The following ROBO2 variants were observed in gnomAD, a reference collection of about 807,000 sequenced individuals.
ROBO2 encodes the protein roundabout homolog 2.
In ROBO2, 53 loss-of-function variants were observed where a neutral mutation model predicts 160.8. That is an observed-to-expected ratio of 0.33 (90% CI 0.26 to 0.41). ROBO2 has a LOEUF of 0.41. Ranked by LOEUF, ROBO2 falls within the 10% of genes least tolerant of loss-of-function variation. The pLI is 1.00. For synonymous variants in ROBO2, 664 were observed against 611.7 expected (o/e 1.09, Z -1.26); for missense variants, 1,577 against 1,722.4 (o/e 0.92, Z 1.49).
chr3:76,342,349 A>G (rs983874252), intron 2 of ROBO2, among the ~76,000 whole-genome samples: 4 of 152,146 alleles, frequency 2.6e-5, no homozygotes, highest in Admixed American at 6.6e-5. Flanking sequence ...TACTCCCAGC[A>G]CAGCAAACAT....
intron 6 of ROBO2, among the ~76,000 whole-genome samples, chr3:77,537,273 G>GT (rs112386200): frequency 0.053 from 8,116 of 151,882 alleles, 396 homozygotes; most frequent in African/African-American, 0.13. Flanking sequence ...ATAATTGAGA[G>GT]TTTTTTTTGT....
intron 2 of ROBO2, among the ~76,000 whole-genome samples, chr3:76,583,610 T>C (rs922203062): frequency 6.6e-6 from 1 of 152,128 alleles, no homozygotes; most frequent in African/African-American, 2.4e-5. Context: ...ATACTTTCTC[T>C]GCCCTTCACT....
chr3:77,282,876 GT>G (rs1231616174), intron 2 of ROBO2, among the ~76,000 whole-genome samples: 15 of 150,578 alleles, frequency 1.0e-4, no homozygotes, highest in African/African-American at 3.4e-4. Flanking sequence ...TACAAATAAA[GT>G]TTTTATAAAT....
intron 2 of ROBO2, among the ~76,000 whole-genome samples, chr3:76,939,233 C>T (rs938161976): frequency 1.3e-5 from 2 of 152,152 alleles, no homozygotes; most frequent in African/African-American, 4.8e-5. Flanking sequence ...GTTTACTTTT[C>T]CACTCACTTT....
At chr3:77,368,616 A>G (rs1396667264) in intron 2 of ROBO2, among the ~76,000 whole-genome samples, 2 of 152,240 alleles carry the variant, frequency 1.3e-5, no homozygotes, top group Non-Finnish European at 1.5e-5. Context: ...ATTAGTTAAT[A>G]TGCCCACTTC....
In ROBO2 at chr3:76,069,239, C is replaced by G. The variant is rs768660366; in HGVS notation, c.109+131637C>G. On this transcript the variant is annotated intron_variant, in intron 2 of 26. Transcript: ENST00000487694. ...TGCAAAATTGACTTTCTGATTTTCT[C>G]CCTAAACCTGGTTCTCCTGCAAGTT... Among the ~76,000 whole-genome samples the G allele has an allele frequency of 1.1e-3, 163 of 152,252 alleles. 1 individual carries two copies. Among genetic ancestry groups the G allele is most frequent in the East Asian group, 1.7e-3 (9 of 5,180 alleles).
intron 2 of ROBO2, among the ~76,000 whole-genome samples, chr3:77,235,869 T>A (rs1316752828): frequency 6.6e-6 from 1 of 152,198 alleles, no homozygotes; most frequent in African/African-American, 2.4e-5. Flanking sequence ...CCCCTCACTA[T>A]CAACATCCCA....
chr3:77,059,455 G>T (rs1043862474), intron 1 of ROBO2, among the ~76,000 whole-genome samples: 3 of 152,178 alleles, frequency 2.0e-5, no homozygotes, highest in African/African-American at 7.2e-5. Context: ...AAATTTCATT[G>T]AGAAGGGCAA....
chr3:76,604,284 G>C (rs1479346422), intron 2 of ROBO2, among the ~76,000 whole-genome samples: 1 of 152,102 alleles, frequency 6.6e-6, no homozygotes, highest in Non-Finnish European at 1.5e-5. Context: ...GCAGTATGTG[G>C]ATAATTGTGC....
At chr3:76,714,374 T>C (rs1048578804) in intron 2 of ROBO2, among the ~76,000 whole-genome samples, 4 of 152,138 alleles carry the variant, frequency 2.6e-5, no homozygotes. Context: ...GGATCTGTGT[T>C]TAAAAGTATC....
chr3:76,043,603 A>T (rs1386716773), intron 2 of ROBO2, among the ~76,000 whole-genome samples: 1 of 132,486 alleles, frequency 7.5e-6, no homozygotes, highest in African/African-American at 2.9e-5. Context: ...TTACACCCTA[A>T]CCAATTCTTC....
chr3:77,003,610 G>C (rs2061434749), intron 2 of ROBO2, among the ~76,000 whole-genome samples: 2 of 152,220 alleles, frequency 1.3e-5, no homozygotes, highest in Non-Finnish European at 2.9e-5. Flanking sequence ...ACTCAGGCTG[G>C]AGGGCAATGG....
chr3:77,143,889 A>C (rs2076922474), intron 2 of ROBO2, among the ~76,000 whole-genome samples: 1 of 151,968 alleles, frequency 6.6e-6, no homozygotes, highest in Non-Finnish European at 1.5e-5. Flanking sequence ...TATTCTTAGA[A>C]GTTGTTTTGC....
rs2088729938 is a variant in ROBO2 at position 77,507,494 on chromosome 3, G to A, written c.806+14112G>A. ...CTTGCACACAGAAGACTGCAAGAATGGGCTCTGCCTATCTAAAAACTTCCA... is the reference window on the plus strand; with the variant it reads ...CTTGCACACAGAAGACTGCAAGAATAGGCTCTGCCTATCTAAAAACTTCCA... On this transcript the variant is annotated intron_variant, in intron 5 of 25. Transcript: ENST00000461745. Among the ~76,000 whole-genome samples the A allele has an allele frequency of 3.3e-5, 5 of 152,154 alleles. No homozygotes were observed. In the South Asian group the frequency reaches 1.0e-3, roughly 31 times the overall value.
intron 2 of ROBO2, among the ~76,000 whole-genome samples, chr3:76,424,624 A>C (rs1266321214): frequency 6.6e-6 from 1 of 152,188 alleles, no homozygotes; most frequent in East Asian, 1.9e-4. Flanking sequence ...ATAGTTAAAA[A>C]TTTGCTAAGA....
chr3:77,596,606 T>G lies in ROBO2; in HGVS notation c.2727-17T>G, dbSNP rs767225888. 5.6e-6 allele frequency: 9 copies of G among 1,613,756 alleles called. No homozygotes were observed. In the Middle Eastern group the frequency reaches 8.3e-4, roughly 148 times the overall value. On this transcript the variant is annotated splice_polypyrimidine_tract_variant and intron_variant, in intron 18 of 25. Coordinates refer to ENST00000461745, the Ensembl canonical transcript of ROBO2. ...ATTGAGCTCCATGTGTTGATTTCCT[T>G]GTAATTTCTGTTTTAGCCGTCCAGG... is the stretch of plus-strand genomic sequence containing the variant.
chr3:77,112,900 C>T (rs1368953676), intron 2 of ROBO2, among the ~76,000 whole-genome samples: 2 of 152,150 alleles, frequency 1.3e-5, no homozygotes, highest in Non-Finnish European at 2.9e-5. Context: ...CTTTGCCTTA[C>T]GTTTTTCCTC....
At chr3:76,233,419 C>G (rs1337116635) in intron 2 of ROBO2, among the ~76,000 whole-genome samples, 3 of 152,134 alleles carry the variant, frequency 2.0e-5, no homozygotes. Context: ...GCTGGGATGA[C>G]AGTTGTGAGC....
intron 2 of ROBO2, among the ~76,000 whole-genome samples, chr3:76,554,727 A>G (rs1349101499): frequency 6.6e-6 from 1 of 152,240 alleles, no homozygotes; most frequent in East Asian, 1.9e-4. Flanking sequence ...GGCTTTCAGT[A>G]TTTAATTGAT....
Sources: allele counts gnomAD v4.1 joint callset (sites outside exome capture counted in the v4.1 genomes callset), GRCh38; gene constraint gnomAD v4.1.1; transcripts MANE v1.5; gene names NCBI Gene and HGNC (gene_info 2026-07-23, HGNC 2026-07-21).